The following AK5 variants were observed in gnomAD, a reference collection of about 807,000 sequenced individuals.
AK5 encodes the protein adenylate kinase isoenzyme 5.
AK5 carries 27 observed loss-of-function variants against 69.5 expected under a neutral mutation model. The ratio of observed to expected loss-of-function variants is 0.39; its 90% CI spans 0.29 to 0.54. The LOEUF (loss-of-function observed/expected upper bound fraction) is 0.54. Ranked by LOEUF, AK5 falls within the 20% of genes least tolerant of loss-of-function variation. The pLI is 0.71. For synonymous variants in AK5, 260 were observed against 244.4 expected, an observed-to-expected ratio of 1.06 and a Z score of -0.60; for missense variants, 531 against 700.4, an observed-to-expected ratio of 0.76 and a Z score of 2.73.
chr1:77,306,515 G>T (rs1420373456), intron 5 of AK5, among the ~76,000 whole-genome samples: 2 of 119,740 alleles, frequency 1.7e-5, no homozygotes, highest in African/African-American at 3.3e-5. Flanking sequence ...TTTTTTTGAG[G>T]ATTTTTGCAT....
intron 9 of AK5, among the ~76,000 whole-genome samples, chr1:77,484,812 A>G (rs575155051): frequency 1.3e-5 from 2 of 152,368 alleles, no homozygotes; most frequent in South Asian, 2.1e-4. Context: ...ATGTGTATAT[A>G]TAAGTATCTC....
rs759691460 is a variant in AK5 at position 77,558,710 on chromosome 1, CA to C, written c.*41del. ...GTTTGTTAGAATGGAAACAGAAAAACATTAAAAAGTTCATTCCTTAACACAA... is the reference window on the plus strand; with the variant it reads ...GTTTGTTAGAATGGAAACAGAAAAACTTAAAAAGTTCATTCCTTAACACAA... On this transcript the variant is annotated 3_prime_UTR_variant, in exon 14 of 14. Transcript: ENST00000354567. The C allele has an allele frequency of 2.2e-6, 3 of 1,374,068 alleles. No individual in the cohort carries two copies. The South Asian group carries it at 3.6e-5, about 16-fold the overall frequency. The allele number at this position is 1,374,068 out of a possible 1,614,324, so 85.1% of individuals were successfully genotyped here. A position where few individuals can be genotyped will look rare whatever the true frequency, so the allele number is the denominator to read the frequency against.
At chr1:77,310,430 A>G (rs1557484919) in intron 5 of AK5, among the ~76,000 whole-genome samples, 1 of 151,864 alleles carries the variant, frequency 6.6e-6, no homozygotes, top group Non-Finnish European at 1.5e-5. Context: ...CCCAGGCTGG[A>G]GTGCAGTGAT....
chr1:77,510,706 A>G (rs1451201277), intron 10 of AK5, among the ~76,000 whole-genome samples: 2 of 152,026 alleles, frequency 1.3e-5, no homozygotes. Flanking sequence ...CAGGCAGGAG[A>G]GGATCCATTT....
intron 9 of AK5, 83 bp downstream of exon 9, chr1:77,483,442 G>GA: frequency 2.8e-6 from 3 of 1,078,332 alleles, no homozygotes; most frequent in East Asian, 2.4e-5. Context: ...CAACTTGAGA[G>GA]AAAAAATATT....
At position 77,518,651 on chromosome 1, in the gene AK5, G is replaced by A. The variant is rs61746349; in HGVS notation, c.1235G>A (p.Arg412His). Residue 412 changes from arginine to histidine, a missense_variant, in exon 11 of 14, where the codon CGT (arginine) becomes CAT (histidine). Coordinates refer to ENST00000354567, the MANE Select transcript of AK5 (RefSeq NM_174858.3). ...FTHLSTGELL[R>H]EELASESERS... The stretch of plus-strand genomic sequence containing the variant: ...CATCTCTCAACTGGCGAGCTCCTGC[G>A]TGAGGAACTGGCATCAGAATCTGAA... 117 of 1,614,178 alleles carry A rather than the reference G, an allele frequency of 7.2e-5. No homozygotes were observed. Among genetic ancestry groups the A allele is most frequent in the Admixed American group, 1.8e-4 (11 of 60,020 alleles).
intron 8 of AK5, among the ~76,000 whole-genome samples, chr1:77,449,816 T>G (rs1347159817): frequency 6.6e-6 from 1 of 152,148 alleles, no homozygotes; most frequent in Non-Finnish European, 1.5e-5. Flanking sequence ...GGATTAACAT[T>G]CGGCTCCTCA....
rs563487977 is a variant in AK5 at position 77,448,737 on chromosome 1, A to G, written c.1059+31022A>G. Among the ~76,000 whole-genome samples the G allele has an allele frequency of 3.9e-5, 6 of 152,306 alleles. No individual in the cohort carries two copies. The South Asian group carries it at 1.2e-3, about 32-fold the overall frequency. ...AGACAACAAGAAGGAGGGAAGAAAG[A>G]GAGAAGAGCTGTGGCCCTCTGGGGA... On this transcript the variant is annotated intron_variant, in intron 8 of 13. Coordinates refer to ENST00000354567, the MANE Select transcript of AK5 (RefSeq NM_174858.3).
At chr1:77,428,995 A>G (rs1035615520) in intron 8 of AK5, among the ~76,000 whole-genome samples, 10 of 152,162 alleles carry the variant, frequency 6.6e-5, no homozygotes, top group Admixed American at 6.5e-5. Context: ...AATCCAGTCT[A>G]TCATTGTTGG....
chr1:77,517,141 G>A (rs2100306383), intron 10 of AK5, among the ~76,000 whole-genome samples: 1 of 152,046 alleles, frequency 6.6e-6, no homozygotes, highest in East Asian at 1.9e-4. Flanking sequence ...CTAGATTCTG[G>A]AGAGTTGGGG....
At position 77,408,458 on chromosome 1, in the gene AK5, A is replaced by G. The variant is rs538384560; in HGVS notation, c.892-2523A>G. 9.0e-4 allele frequency among the ~76,000 whole-genome samples: 137 copies of G among 152,078 alleles called. 1 individual carries two copies. Among genetic ancestry groups the G allele is most frequent in the Non-Finnish European group, 3.1e-4 (21 of 67,984 alleles). On this transcript the variant is annotated intron_variant, in intron 6 of 13. Transcript: ENST00000354567. ...TGAGAAGTGTTTATGTCTTTTGCCC[A>G]CTTTTTAATAGGGTTATTTGTTTTT...
chr1:77,470,502 C>G (rs1197964446), intron 8 of AK5, among the ~76,000 whole-genome samples: 5 of 152,042 alleles, frequency 3.3e-5, no homozygotes, highest in African/African-American at 1.2e-4. Context: ...GAGACCCTGA[C>G]TCAAATAATA....
At chr1:77,541,770 G>A (rs767765764) in intron 13 of AK5, among the ~76,000 whole-genome samples, 1 of 152,022 alleles carries the variant, frequency 6.6e-6, no homozygotes, top group African/African-American at 2.4e-5. Flanking sequence ...TGGCTTATAA[G>A]CCAGAATATG....
At chr1:77,285,448 C>A (rs1270685685) in intron 1 of AK5, among the ~76,000 whole-genome samples, 1 of 152,146 alleles carries the variant, frequency 6.6e-6, no homozygotes, top group Non-Finnish European at 1.5e-5. Flanking sequence ...TGAGAATTGC[C>A]TACCATTCTG....
At chr1:77,384,139 G>T (rs1243006510) in intron 6 of AK5, among the ~76,000 whole-genome samples, 1 of 152,058 alleles carries the variant, frequency 6.6e-6, no homozygotes. Flanking sequence ...GTTCATACTT[G>T]GCTGTTAATC....
intron 6 of AK5, among the ~76,000 whole-genome samples, chr1:77,345,038 C>T (rs1661843737): frequency 6.7e-6 from 1 of 149,812 alleles, no homozygotes; most frequent in Admixed American, 6.6e-5. Context: ...TTATTTTTTC[C>T]AGAATGCATT....
intron 5 of AK5, among the ~76,000 whole-genome samples, chr1:77,299,308 C>T (rs1258912334): frequency 6.6e-6 from 1 of 151,224 alleles, no homozygotes; most frequent in Admixed American, 6.6e-5. Context: ...GCCCATTTTT[C>T]TACAGACTTT....
At chr1:77,431,526 AT>A (rs1651636992) in intron 8 of AK5, among the ~76,000 whole-genome samples, 1 of 152,178 alleles carries the variant, frequency 6.6e-6, no homozygotes, top group Non-Finnish European at 1.5e-5. Context: ...TGAGCTGAGG[AT>A]TCTAAGCAGT....
At chr1:77,423,144 C>A (rs891012286) in intron 8 of AK5, among the ~76,000 whole-genome samples, 2 of 146,260 alleles carry the variant, frequency 1.4e-5, no homozygotes, top group Non-Finnish European at 3.0e-5. Context: ...TGGCGTGAAC[C>A]CGGGAGGTGG....
Sources: gnomAD v4.1 joint callset for allele counts (sites outside exome capture counted in the v4.1 genomes callset) on GRCh38, gnomAD v4.1.1 for gene constraint, MANE v1.5 for transcripts, NCBI Gene and HGNC (gene_info 2026-07-23, HGNC 2026-07-21) for gene names.